MAGI2: variants seen among roughly 807,000 people sequenced by gnomAD.
MAGI2 encodes membrane-associated guanylate kinase, WW and PDZ domain-containing protein 2.
In MAGI2, 35 loss-of-function variants were observed where a neutral mutation model predicts 133.3. That is an observed-to-expected ratio of 0.26 (90% CI 0.20 to 0.35). The LOEUF (loss-of-function observed/expected upper bound fraction) is 0.35. Ranked by LOEUF, MAGI2 falls within the 10% of genes least tolerant of loss-of-function variation. The pLI is 1.00. For missense variants in MAGI2, 1,636 were observed against 1,863.4 expected (o/e 0.88, Z 2.25); for synonymous variants, 729 against 710.6 (o/e 1.03, Z -0.41).
intron 1 of MAGI2, among the ~76,000 whole-genome samples, chr7:79,109,523 C>T (rs2129543789): frequency 6.6e-6 from 1 of 152,268 alleles, no homozygotes; most frequent in Non-Finnish European, 1.5e-5. Flanking sequence ...AGCCTGACTG[C>T]TTTTAAAAGC....
chr7:78,046,704 A>AT (rs1192770563), intron 21 of MAGI2, among the ~76,000 whole-genome samples: 2 of 152,182 alleles, frequency 1.3e-5, no homozygotes, highest in Non-Finnish European at 2.9e-5. Flanking sequence ...CTAAAAAAAA[A>AT]CCCAGCGTTA....
At chr7:79,170,644 T>C (rs1001295765) in intron 1 of MAGI2, among the ~76,000 whole-genome samples, 1 of 152,274 alleles carries the variant, frequency 6.6e-6, no homozygotes, top group East Asian at 1.9e-4. Flanking sequence ...ATGCCTAAAG[T>C]TATAGCTATT....
intron 2 of MAGI2, among the ~76,000 whole-genome samples, chr7:78,630,331 A>G (rs538968572): frequency 1.3e-5 from 2 of 151,390 alleles, no homozygotes; most frequent in Non-Finnish European, 2.9e-5. Flanking sequence ...TTGTGTTTAG[A>G]TTAGTGTGAA....
intron 1 of MAGI2, among the ~76,000 whole-genome samples, chr7:79,263,723 G>A (rs1183723683): frequency 6.6e-6 from 1 of 152,012 alleles, no homozygotes; most frequent in Non-Finnish European, 1.5e-5. Flanking sequence ...GACTGCCCAA[G>A]AAAAATATAT....
At position 78,317,974 on chromosome 7, in the gene MAGI2, A is replaced by T. The variant is rs140419328; in HGVS notation, c.1408+25804T>A. Among the ~76,000 whole-genome samples the T allele has an allele frequency of 2.2e-4, 33 of 152,366 alleles. No homozygotes were observed. The East Asian group carries it at 6.4e-3, about 29-fold the overall frequency. ...CAGAAACCCCGTTGGAAGGTCACCAACATCAAAGACCAAAGGTAGATAAAT... is the reference window on the plus strand; with the variant it reads ...CAGAAACCCCGTTGGAAGGTCACCATCATCAAAGACCAAAGGTAGATAAAT... On this transcript the variant is annotated intron_variant, in intron 9 of 21. Coordinates refer to ENST00000354212, the MANE Select transcript of MAGI2 (RefSeq NM_012301.4).
intron 1 of MAGI2, among the ~76,000 whole-genome samples, chr7:79,151,214 A>C (rs2129546983): frequency 6.6e-6 from 1 of 152,262 alleles, no homozygotes; most frequent in African/African-American, 2.4e-5. Context: ...TTATTACATA[A>C]CTTTTTGGAA....
At chr7:79,303,837 C>T (rs969084626) in intron 1 of MAGI2, among the ~76,000 whole-genome samples, 4 of 152,116 alleles carry the variant, frequency 2.6e-5, no homozygotes, top group African/African-American at 9.7e-5. Flanking sequence ...GTTAGCTTGT[C>T]TTGCGTTTCA....
intron 5 of MAGI2, among the ~76,000 whole-genome samples, chr7:78,495,741 T>C (rs1460221262): frequency 6.6e-6 from 1 of 152,224 alleles, no homozygotes; most frequent in Non-Finnish European, 1.5e-5. Flanking sequence ...CATTTTATCT[T>C]TCATGTGTTT....
chr7:79,138,809 T>G (rs1821844230), intron 1 of MAGI2, among the ~76,000 whole-genome samples: 1 of 151,684 alleles, frequency 6.6e-6, no homozygotes, highest in Non-Finnish European at 1.5e-5. Context: ...ATCGAGACCA[T>G]CCTGGCTAAC....
At chr7:78,952,185 A>G (rs1462261508) in intron 2 of MAGI2, among the ~76,000 whole-genome samples, 1 of 152,196 alleles carries the variant, frequency 6.6e-6, no homozygotes, top group East Asian at 1.9e-4. Flanking sequence ...GAGCTGGTTA[A>G]AAGTTAAGAC....
At chr7:78,986,683 G>C (rs890465814) in intron 2 of MAGI2, among the ~76,000 whole-genome samples, 1 of 151,802 alleles carries the variant, frequency 6.6e-6, no homozygotes, top group Admixed American at 6.6e-5. Flanking sequence ...TACCATGCCC[G>C]GCCATATAGA....
At chr7:79,034,528 T>A (rs1810927522) in intron 1 of MAGI2, among the ~76,000 whole-genome samples, 1 of 152,194 alleles carries the variant, frequency 6.6e-6, no homozygotes, top group African/African-American at 2.4e-5. Context: ...TATTTCCTGT[T>A]GTTTTTTTCA....
chr7:79,136,044 A>G (rs548433757), intron 1 of MAGI2, among the ~76,000 whole-genome samples: 149 of 136,964 alleles, frequency 1.1e-3, no homozygotes, highest in Admixed American at 1.9e-3. Flanking sequence ...AAAGAAAGAA[A>G]GAAGGAAAGA....
chr7:79,446,077 AACACCGCATGTTCTC>A (rs1448703267), intron 1 of MAGI2, among the ~76,000 whole-genome samples: 1 of 152,190 alleles, frequency 6.6e-6, no homozygotes, highest in East Asian at 1.9e-4. Context: ...CAAAATACCA[AACACCGCATGTTCTC>A]ACTCATAGGT....
intron 2 of MAGI2, among the ~76,000 whole-genome samples, chr7:78,657,794 A>G (rs1812468800): frequency 6.6e-6 from 1 of 152,198 alleles, no homozygotes; most frequent in Admixed American, 6.5e-5. Flanking sequence ...AGAGAACCCT[A>G]TGTAAACTAT....
chr7:79,419,047 A>C (rs557169443), intron 1 of MAGI2, among the ~76,000 whole-genome samples: 2 of 152,138 alleles, frequency 1.3e-5, no homozygotes, highest in South Asian at 2.1e-4. Context: ...TTTTAGGTAA[A>C]CCTATTACTT....
intron 2 of MAGI2, among the ~76,000 whole-genome samples, chr7:78,634,550 T>C (rs1041327482): frequency 6.6e-6 from 1 of 152,154 alleles, no homozygotes; most frequent in Non-Finnish European, 1.5e-5. Context: ...GGAAAATATA[T>C]GTGATATGAA....
At chr7:78,872,618 A>G (rs1238982325) in intron 2 of MAGI2, among the ~76,000 whole-genome samples, 5 of 150,686 alleles carry the variant, frequency 3.3e-5, no homozygotes, top group African/African-American at 1.2e-4. Flanking sequence ...GTCCTTACTG[A>G]GTTTTTTTTT....
At chr7:78,913,626 T>C (rs746345736) in intron 2 of MAGI2, among the ~76,000 whole-genome samples, 3 of 152,196 alleles carry the variant, frequency 2.0e-5, no homozygotes, top group Non-Finnish European at 4.4e-5. Context: ...TTCTGTTTTG[T>C]CTGTCTAAAG....
Sources: gnomAD v4.1 joint callset for allele counts (sites outside exome capture counted in the v4.1 genomes callset) on GRCh38, gnomAD v4.1.1 for gene constraint, MANE v1.5 for transcripts, NCBI Gene and HGNC (gene_info 2026-07-23, HGNC 2026-07-21) for gene names.